Variants in COBL observed in about 807,000 individuals in gnomAD.
COBL encodes protein cordon-bleu.
In COBL, 51 loss-of-function variants were observed where a neutral mutation model predicts 98.8. That is an observed-to-expected ratio of 0.52 (90% CI 0.41 to 0.65). The LOEUF (loss-of-function observed/expected upper bound fraction) is 0.65. Ranked by LOEUF, COBL falls within the 30% of genes least tolerant of loss-of-function variation. COBL has a pLI of 0.00. For synonymous variants in COBL, 634 were observed against 651.7 expected, an observed-to-expected ratio of 0.97 and a Z score of 0.41; for missense variants, 1,617 against 1,617.5, an observed-to-expected ratio of 1.00 and a Z score of 0.01.
chr7:51,018,908 ATATATATATATATAT>A (rs1562796035), intron 12 of COBL, among the ~76,000 whole-genome samples: 681 of 30,256 alleles, frequency 0.023, 123 homozygotes, highest in African/African-American at 0.068. Flanking sequence ...AAAAAAAAAT[ATATATATATATATAT>A]ATATATATAT....
chr7:51,072,036 T>A (rs1052025901), intron 7 of COBL: 6 of 152,240 alleles, frequency 3.9e-5, no homozygotes, highest in Admixed American at 1.3e-4. Context: ...TATATTTGTT[T>A]ATTATTAATA....
chr7:51,094,493 AATT>A (rs929203354), intron 6 of COBL, among the ~76,000 whole-genome samples: 6 of 152,168 alleles, frequency 3.9e-5, no homozygotes, highest in South Asian at 2.1e-4. Context: ...AAATATAAAC[AATT>A]ATTATTTATC....
chr7:51,105,379 C>T (rs188728154), intron 6 of COBL, among the ~76,000 whole-genome samples: 1 of 152,284 alleles, frequency 6.6e-6, no homozygotes, highest in Non-Finnish European at 1.5e-5. Context: ...GCTCAAATAC[C>T]AAACCTCTCT....
In COBL at chr7:51,310,878, G is replaced by C. The variant is rs188304691; in HGVS notation, c.41+5715C>G. On this transcript the variant is annotated intron_variant, in intron 1 of 12. Coordinates refer to ENST00000265136, the MANE Select transcript of COBL (RefSeq NM_015198.5). Reference sequence around the variant, plus strand: ...TCACCATCTTGGCCAGGATGGTCTCGATCTCTTGACCTCGTGATCAACCCA... The same window carrying C: ...TCACCATCTTGGCCAGGATGGTCTCCATCTCTTGACCTCGTGATCAACCCA... Among the ~76,000 whole-genome samples the C allele has an allele frequency of 3.3e-3, 495 of 152,096 alleles. 1 individual carries two copies. Among genetic ancestry groups the C allele is most frequent in the Admixed American group, 5.3e-3 (81 of 15,284 alleles).
intron 6 of COBL, 80 bp downstream of exon 6, chr7:51,136,078 T>C (rs1350491510): frequency 1.3e-6 from 2 of 1,505,748 alleles, no homozygotes; most frequent in Non-Finnish European, 1.8e-6. Flanking sequence ...GAAGGATTAC[T>C]GTGTTCCCAG....
chr7:51,107,219 T>A (rs1027341728), intron 6 of COBL, among the ~76,000 whole-genome samples: 1 of 151,068 alleles, frequency 6.6e-6, no homozygotes, highest in African/African-American at 2.4e-5. Flanking sequence ...CTCAGCCTCC[T>A]GAGTAGCTGG....
Position 51,219,005 on chromosome 7 carries a change from CTATT to C in COBL, c.245+732_245+735del, listed in dbSNP as rs1456544244. Among the ~76,000 whole-genome samples the C allele has an allele frequency of 2.6e-5, 4 of 152,296 alleles. No homozygotes were observed. The South Asian group carries it at 8.3e-4, about 32-fold the overall frequency. Reference sequence around the variant, plus strand: ...AAGTATCAGTAAGAATAGCACAAAACTATTTAAACAATAAAATCATGATTATTTT... The same window carrying C: ...AAGTATCAGTAAGAATAGCACAAAACTAAACAATAAAATCATGATTATTTT... On this transcript the variant is annotated intron_variant, in intron 2 of 12. Coordinates refer to ENST00000265136, the MANE Select transcript of COBL (RefSeq NM_015198.5).
intron 8 of COBL, 30 bp downstream of exon 8, chr7:51,043,353 C>G: frequency 6.2e-7 from 1 of 1,600,336 alleles, no homozygotes; most frequent in Non-Finnish European, 8.5e-7. Flanking sequence ...GCTGTGACTT[C>G]CGTACCCACC....
intron 6 of COBL, among the ~76,000 whole-genome samples, chr7:51,094,999 A>G (rs1285482789): frequency 6.6e-6 from 1 of 152,194 alleles, no homozygotes; most frequent in Non-Finnish European, 1.5e-5. Flanking sequence ...AATACCTACA[A>G]AAGATGCACA....
chr7:51,235,545 G>T (rs1035171566), intron 1 of COBL, among the ~76,000 whole-genome samples: 1 of 152,128 alleles, frequency 6.6e-6, no homozygotes, highest in Non-Finnish European at 1.5e-5. Context: ...CTGCAAGTGC[G>T]TGATTTCCAG....
intron 7 of COBL, chr7:51,083,059 T>C: frequency 6.5e-7 from 1 of 1,536,124 alleles, no homozygotes; most frequent in Non-Finnish European, 8.7e-7. Flanking sequence ...GGAACATACG[T>C]TTGGGTATCG....
chr7:51,036,367 G>C (rs962016731), intron 8 of COBL, among the ~76,000 whole-genome samples: 3 of 107,138 alleles, frequency 2.8e-5, no homozygotes, highest in East Asian at 3.6e-4. Context: ...AAAAAAAAAA[G>C]CATAGTATTT....
rs996282180 is a variant in COBL, at chr7:51,017,183, T to C, written c.*368A>G. Reference sequence around the variant, plus strand: ...TTCATCCATCTGTATGTGGTAAAAGTCTCAAAGGTCCAAAATCAGTCTAAG... The same window carrying C: ...TTCATCCATCTGTATGTGGTAAAAGCCTCAAAGGTCCAAAATCAGTCTAAG... On this transcript the variant is annotated 3_prime_UTR_variant, in exon 13 of 13. Coordinates refer to ENST00000265136, the MANE Select transcript of COBL (RefSeq NM_015198.5). The C allele has an allele frequency of 1.8e-5, 9 of 487,448 alleles. No homozygotes were observed. The East Asian group carries it at 2.8e-4, about 15-fold the overall frequency. The allele number at this position is 487,448 out of a possible 1,614,324, so 30.2% of individuals were successfully genotyped here.
In COBL at chr7:51,116,325, T is replaced by C. The variant is rs141920493; in HGVS notation, c.957+19833A>G. Among the ~76,000 whole-genome samples the C allele has an allele frequency of 2.9e-3, 448 of 152,264 alleles. 5 individuals carry two copies. The highest frequency in any genetic ancestry group is 0.01 in the African/African-American group (426 of 41,582). On this transcript the variant is annotated intron_variant, in intron 6 of 12. Coordinates refer to ENST00000265136, the MANE Select transcript of COBL (RefSeq NM_015198.5). ...GATTAGTTGTACCTCTTTGCATTATTTGGTTTAATGGTTGTTCCAACAATT... is the reference window on the plus strand; with the variant it reads ...GATTAGTTGTACCTCTTTGCATTATCTGGTTTAATGGTTGTTCCAACAATT...
intron 2 of COBL, among the ~76,000 whole-genome samples, chr7:51,207,134 T>C (rs1163133607): frequency 6.6e-6 from 1 of 152,122 alleles, no homozygotes; most frequent in Admixed American, 6.5e-5. Flanking sequence ...ACCTTCAGTA[T>C]ATACCATTTC....
chr7:51,161,488 CT>C (rs1469727413), intron 5 of COBL, among the ~76,000 whole-genome samples: 1 of 152,188 alleles, frequency 6.6e-6, no homozygotes, highest in Non-Finnish European at 1.5e-5. Context: ...ATTCTGGAAA[CT>C]TTTTTAGGGC....
intron 1 of COBL, among the ~76,000 whole-genome samples, chr7:51,272,992 A>T (rs1217526407): frequency 6.6e-6 from 1 of 152,128 alleles, no homozygotes; most frequent in African/African-American, 2.4e-5. Flanking sequence ...CAACAAAAAC[A>T]TCCTTCTCTT....
rs1794136385 is a variant in COBL at position 51,085,427 on chromosome 7, G to A, written c.958-123C>T. The A allele has an allele frequency of 8.0e-6, 9 of 1,123,540 alleles. No individual in the cohort carries two copies. The Admixed American group carries it at 2.1e-4, about 26-fold the overall frequency. 69.6% of individuals were successfully genotyped at this position (1,123,540 alleles called of 1,614,324 possible). A position where few individuals can be genotyped will look rare whatever the true frequency, so the allele number is the denominator to read the frequency against. On this transcript the variant is annotated intron_variant, in intron 6 of 12. Coordinates refer to ENST00000265136, the MANE Select transcript of COBL (RefSeq NM_015198.5). ...GCACCGGAAGGTGGTGCTCCAGGAG[G>A]GTTGTTAGATGGCCAGTTCCCTTTC...
At chr7:51,060,710 T>C (rs1791260391) in intron 7 of COBL, among the ~76,000 whole-genome samples, 1 of 152,196 alleles carries the variant, frequency 6.6e-6, no homozygotes, top group South Asian at 2.1e-4. Context: ...GACTTTTATG[T>C]TCTATTGGCC....
Sources: gnomAD v4.1 joint callset for allele counts (sites outside exome capture counted in the v4.1 genomes callset) on GRCh38, gnomAD v4.1.1 for gene constraint, MANE v1.5 for transcripts, NCBI Gene and HGNC (gene_info 2026-07-23, HGNC 2026-07-21) for gene names.